Variants in KIF26B observed in about 807,000 individuals in gnomAD.
The protein encoded by KIF26B is kinesin-like protein KIF26B.
A neutral mutation model predicts 151.2 loss-of-function variants in KIF26B; 63 were observed. The ratio of observed to expected loss-of-function variants is 0.42; its 90% CI spans 0.34 to 0.51. The LOEUF is 0.51. Among genes scored for constraint, KIF26B ranks in the 20% least tolerant of loss-of-function variants. The pLI is 0.07. For missense variants in KIF26B, 2,813 were observed against 2,913.6 expected, an observed-to-expected ratio of 0.97 and a Z score of 0.79; for synonymous variants, 1,357 against 1,262.1, an observed-to-expected ratio of 1.08 and a Z score of -1.59.
rs534430277 is a variant in KIF26B, at chr1:245,602,729, G to C, written c.1503G>C (p.Gln501His). The C allele has an allele frequency of 6.8e-6, 11 of 1,614,052 alleles. No homozygotes were observed. Among genetic ancestry groups the C allele is most frequent in the South Asian group, 2.2e-5 (2 of 91,082 alleles). ...ATGCCTTCCAAAAGAGAGGCAACCA[G>C]GTTCCTCCAAAGATGTTTGCCTTCG... ...GQNAFQKRGNQVPPKMFAFDA... is the reference protein window; with the variant it reads ...GQNAFQKRGNHVPPKMFAFDA... The change falls in exon 6 of 15, where the codon CAG (glutamine) becomes CAC (histidine). Residue 501 changes from glutamine to histidine, a missense_variant. Coordinates refer to ENST00000407071, the MANE Select transcript of KIF26B (RefSeq NM_018012.4). The surrounding 1 kb of genome is among the most constrained non-coding windows in gnomAD (Gnocchi z 4.5).
chr1:245,253,752 T>C (rs1016855272), intron 2 of KIF26B, among the ~76,000 whole-genome samples: 1 of 150,418 alleles, frequency 6.6e-6, no homozygotes, highest in African/African-American at 2.4e-5. Flanking sequence ...ATATATAGAT[T>C]AAAAAATTTT....
chr1:245,578,509 A>G (rs1202725412), intron 5 of KIF26B, among the ~76,000 whole-genome samples: 1 of 152,206 alleles, frequency 6.6e-6, no homozygotes, highest in Admixed American at 6.5e-5. Flanking sequence ...GAGGACACAC[A>G]CAGCACGAAA....
chr1:245,251,438 C>T (rs1056452893), intron 2 of KIF26B, among the ~76,000 whole-genome samples: 10 of 152,160 alleles, frequency 6.6e-5, no homozygotes, highest in African/African-American at 2.4e-4. Flanking sequence ...GCTCATCCAG[C>T]AGTAATATCT....
At chr1:245,490,432 C>T (rs888727631) in intron 4 of KIF26B, among the ~76,000 whole-genome samples, 3 of 151,038 alleles carry the variant, frequency 2.0e-5, no homozygotes, top group Non-Finnish European at 4.4e-5. Flanking sequence ...CTGCCTCAGC[C>T]TCTTGAGTAC....
intron 10 of KIF26B, among the ~76,000 whole-genome samples, chr1:245,651,666 G>C (rs757353905): frequency 6.6e-6 from 1 of 152,212 alleles, no homozygotes; most frequent in African/African-American, 2.4e-5. Context: ...AGCAGTGGGG[G>C]AGCATGACCA....
chr1:245,680,745 C>CGGTTT, intron 10 of KIF26B, among the ~76,000 whole-genome samples: 1 of 152,142 alleles, frequency 6.6e-6, no homozygotes, highest in Non-Finnish European at 1.5e-5. Flanking sequence ...CATTTGTAAC[C>CGGTTT]CCAAAATCAA....
intron 3 of KIF26B, among the ~76,000 whole-genome samples, chr1:245,397,982 C>G (rs533109067): frequency 7.6e-4 from 116 of 152,296 alleles, no homozygotes; most frequent in South Asian, 7.3e-3. Context: ...TTGCAAAGAA[C>G]TTTCTAATGA....
intron 2 of KIF26B, among the ~76,000 whole-genome samples, chr1:245,327,017 A>C (rs1672004222): frequency 6.6e-6 from 1 of 152,202 alleles, no homozygotes; most frequent in Non-Finnish European, 1.5e-5. Context: ...CATCTGAAGA[A>C]CTGAAAAAAT....
intron 3 of KIF26B, among the ~76,000 whole-genome samples, chr1:245,405,322 C>G (rs533465951): frequency 6.6e-6 from 1 of 152,184 alleles, no homozygotes; most frequent in East Asian, 1.9e-4. Context: ...GATCAGCCCA[C>G]AAATGTTTGC....
chr1:245,322,713 G>A (rs1014159207), intron 2 of KIF26B, among the ~76,000 whole-genome samples: 4 of 152,124 alleles, frequency 2.6e-5, no homozygotes, highest in Non-Finnish European at 4.4e-5. Context: ...AAGATGCCCC[G>A]AGTGACAAAG....
intron 4 of KIF26B, among the ~76,000 whole-genome samples, chr1:245,529,106 G>C (rs1004102555): frequency 2.6e-5 from 4 of 152,084 alleles, no homozygotes; most frequent in African/African-American, 9.7e-5. Context: ...TAGTAAGGCC[G>C]CTCCATCGGA....
chr1:245,204,699 T>C (rs1407679737), intron 2 of KIF26B, among the ~76,000 whole-genome samples: 2 of 152,144 alleles, frequency 1.3e-5, no homozygotes. Context: ...TAAATTTCTC[T>C]TATGGCTTCG....
At chr1:245,652,145 TGAGA>T (rs1553300738) in intron 10 of KIF26B, among the ~76,000 whole-genome samples, 18 of 142,762 alleles carry the variant, frequency 1.3e-4, no homozygotes, top group South Asian at 4.5e-4. Context: ...TGTGTGTGTG[TGAGA>T]GAGACATATG....
chr1:245,393,382 A>G (rs1190718884), intron 3 of KIF26B, among the ~76,000 whole-genome samples: 1 of 152,088 alleles, frequency 6.6e-6, no homozygotes, highest in Non-Finnish European at 1.5e-5. Flanking sequence ...TTGATCTCTC[A>G]GAATGTTTGA....
intron 2 of KIF26B, among the ~76,000 whole-genome samples, chr1:245,346,908 T>C (rs188984093): frequency 6.6e-6 from 1 of 152,340 alleles, no homozygotes; most frequent in East Asian, 1.9e-4. Flanking sequence ...ATGTCTCTCA[T>C]TGTCTAGTTT....
At chr1:245,160,311 C>T (rs1182692414) in intron 2 of KIF26B, among the ~76,000 whole-genome samples, 4 of 152,110 alleles carry the variant, frequency 2.6e-5, no homozygotes, top group Non-Finnish European at 5.9e-5. Flanking sequence ...AGAATGTGGA[C>T]GTGTAAAGTG....
chr1:245,394,603 G>A (rs1034454707), intron 3 of KIF26B, among the ~76,000 whole-genome samples: 5 of 151,602 alleles, frequency 3.3e-5, no homozygotes, highest in African/African-American at 1.2e-4. Flanking sequence ...AGCCTGGGCA[G>A]CAGAGCAAGA....
chr1:245,288,022 C>A (rs1671196229), intron 2 of KIF26B, among the ~76,000 whole-genome samples: 1 of 151,886 alleles, frequency 6.6e-6, no homozygotes, highest in African/African-American at 2.4e-5. Flanking sequence ...GGAAATCCAC[C>A]AGCAGAATCA....
intron 5 of KIF26B, among the ~76,000 whole-genome samples, chr1:245,579,599 C>G (rs998948695): frequency 6.6e-6 from 1 of 152,228 alleles, no homozygotes; most frequent in East Asian, 1.9e-4. Context: ...CACCTGAGGT[C>G]GGGAGTTCCA....
Sources: allele counts gnomAD v4.1 joint callset (sites outside exome capture counted in the v4.1 genomes callset), GRCh38; gene constraint gnomAD v4.1.1; non-coding constraint Gnocchi (gnomAD v3.1); transcripts MANE v1.5; gene names NCBI Gene and HGNC (gene_info 2026-07-23, HGNC 2026-07-21).